The following CYP27B1 variants were observed in gnomAD, a reference collection of about 807,000 sequenced individuals.
CYP27B1 encodes 25-hydroxyvitamin D-1 alpha hydroxylase, mitochondrial.
Under a neutral mutation model 54.8 loss-of-function variants are expected in CYP27B1, and 46 were observed. The observed-to-expected ratio is 0.84, with a 90% CI of 0.66 to 1.07. The LOEUF (loss-of-function observed/expected upper bound fraction) is 1.07, where lower values mean the gene tolerates loss of function less well. Ranked by LOEUF, CYP27B1 falls within the 50% of genes least tolerant of loss-of-function variation. The pLI, the probability that CYP27B1 is intolerant of heterozygous loss-of-function variation, is 0.00. For missense variants in CYP27B1, 674 were observed against 692.2 expected (o/e 0.97, Z 0.30); for synonymous variants, 292 against 297.3 (o/e 0.98, Z 0.18).
At position 57,764,927 on chromosome 12, in the gene CYP27B1, C is replaced by T. The variant is rs755018398; in HGVS notation, c.791-1G>A. ...TCTCGCCGCTCCACGTGCCTCTGAGCTGCGTGGGTAGAAGGCACGTGAATA... is the reference window on the plus strand; with the variant it reads ...TCTCGCCGCTCCACGTGCCTCTGAGTTGCGTGGGTAGAAGGCACGTGAATA... On this transcript the variant is annotated splice_acceptor_variant, in intron 4 of 8. Coordinates refer to ENST00000228606, the MANE Select transcript of CYP27B1 (RefSeq NM_000785.4). LOFTEE classifies it high-confidence loss of function. The T allele has an allele frequency of 1.2e-6, 2 of 1,614,048 alleles. No homozygotes were observed. Among genetic ancestry groups the T allele is most frequent in the Non-Finnish European group, 1.7e-6 (2 of 1,180,046 alleles).
Position 57,763,666 on chromosome 12 carries a change from C to T in CYP27B1, c.1358G>A (p.Arg453His), listed in dbSNP as rs759208930. Reference protein sequence around the residue: ...FASLPFGFGKRSCMGRRLAEL... With the variant: ...FASLPFGFGKHSCMGRRLAEL... Reference sequence around the variant, plus strand: ...TGCCAGGCGTCTCCCCATACAGCTGCGCTTGCCAAAGCCAAAGGGAAGAGA... The same window carrying T: ...TGCCAGGCGTCTCCCCATACAGCTGTGCTTGCCAAAGCCAAAGGGAAGAGA... Residue 453 changes from arginine (R) to histidine (H), a missense_variant, in exon 8 of 9, where the codon CGC (arginine) becomes CAC (histidine). Arg to His is a conservative substitution (Grantham distance 29). Coordinates refer to ENST00000228606, the MANE Select transcript of CYP27B1 (RefSeq NM_000785.4). The T allele has an allele frequency of 1.4e-5, 23 of 1,613,804 alleles. No individual in the cohort carries two copies. Among genetic ancestry groups the T allele is most frequent in the African/African-American group, 1.2e-4 (9 of 74,814 alleles).
Position 57,766,194 on chromosome 12 carries a change from G to A in CYP27B1, c.199C>T (p.Gln67Ter). Residue 67 changes from glutamine to a stop codon, truncating the protein, a stop_gained, in exon 2 of 9, where the codon CAG (glutamine) becomes TAG (stop). Transcript: ENST00000228606. LOFTEE classifies it high-confidence loss of function. Reference sequence around the variant, plus strand: ...ACCGGCCCGAAGTGCGCGGCGCCCTGCACCTGGGGGAGCGGACACAGCGGA... The same window carrying A: ...ACCGGCCCGAAGTGCGCGGCGCCCTACACCTGGGGGAGCGGACACAGCGGA... The part of the protein sequence containing the change: ...GLSRLHELQV[Q>*]GAAHFGPVWL... The A allele has an allele frequency of 3.3e-6, 5 of 1,534,386 alleles. No homozygotes were observed. The highest frequency in any genetic ancestry group is 4.4e-6 in the Non-Finnish European group (5 of 1,139,900).
At chr12:57,766,650 G>A in intron 1 of CYP27B1, 197 bp downstream of exon 1, 3 of 645,210 alleles carry the variant, frequency 4.6e-6, no homozygotes, top group Non-Finnish European at 8.1e-6. Context: ...CTTTCGCAGC[G>A]CCCTCTGCTA....
rs1404884130 is a variant in CYP27B1, at chr12:57,765,105, C to T, written c.696G>A (p.Thr232=). The change falls in exon 4 of 9, where the codon ACG becomes ACA. Residue 232 remains threonine (T), a synonymous_variant. Coordinates refer to ENST00000228606, the MANE Select transcript of CYP27B1 (RefSeq NM_000785.4). This position sits in a 1 kb window ranked among gnomAD's most constrained non-coding sequence, Gnocchi z 5.8. ...AGTGGGGCATCGCCATGGTCAACAG[C>T]GTGGACACAAACACCGAGCCCACAG... ...IRAVGSVFVS[T]LLTMAMPHWL... is the part of the protein sequence containing the mutation. 1 of 1,613,876 alleles carries T rather than the reference C, an allele frequency of 6.2e-7. No homozygotes were observed. The highest frequency in any genetic ancestry group is 1.3e-5 in the African/African-American group (1 of 74,946).
At chr12:57,766,381 G>T in intron 1 of CYP27B1, 184 bp from the exon 2 acceptor site, 1 of 853,072 alleles carries the variant, frequency 1.2e-6, no homozygotes. Flanking sequence ...TCCCTAGAAA[G>T]TTTGAGTGTG....
rs1955356487 is a variant in CYP27B1 at position 57,765,959 on chromosome 12, G to A, written c.386+48C>T. The A allele has an allele frequency of 2.0e-6, 3 of 1,498,826 alleles. No homozygotes were observed. The highest frequency in any genetic ancestry group is 2.4e-5 in the Admixed American group (1 of 42,522). The allele number at this position is 1,498,826 out of a possible 1,614,324, so 92.8% of individuals were successfully genotyped here. A position where few individuals can be genotyped will look rare whatever the true frequency, so the allele number is the denominator to read the frequency against. Reference sequence around the variant, plus strand: ...GATAGTTTCGGGACCCGCAGCAGGAGAGGGCCGCTGCAGGGCGTCTGGGCT... The same window carrying A: ...GATAGTTTCGGGACCCGCAGCAGGAAAGGGCCGCTGCAGGGCGTCTGGGCT... On this transcript the variant is annotated intron_variant, in intron 2 of 8. Coordinates refer to ENST00000228606, the MANE Select transcript of CYP27B1 (RefSeq NM_000785.4). This position sits in a 1 kb window ranked among gnomAD's most constrained non-coding sequence, Gnocchi z 5.8.
chr12:57,766,830 A>G lies in CYP27B1; in HGVS notation c.195+17T>C. On this transcript the variant is annotated intron_variant, in intron 1 of 8. Transcript: ENST00000228606. ...GTTTCCCCAGCACTCTGTCTCGGGA[A>G]AGGCGTCCCTTCCTACCTGCAGCTC... The G allele has an allele frequency of 6.2e-7, 1 of 1,613,940 alleles. No homozygotes were observed. Among genetic ancestry groups the G allele is most frequent in the South Asian group, 1.1e-5 (1 of 91,074 alleles).
At chr12:57,764,705 C>A in intron 5 of CYP27B1, 49 bp downstream of exon 5, 1 of 1,611,408 alleles carries the variant, frequency 6.2e-7, no homozygotes. Context: ...CCGGAGTCTG[C>A]GGAGGCTAAG....
Position 57,764,998 on chromosome 12 carries a change from A to AC in CYP27B1, c.790+12dup. ...TTTACATTCCCCCATTTCCACCTCG[A>AC]CCTGTGCCTTACCAAATGCAAACAT... On this transcript the variant is annotated intron_variant, in intron 4 of 8. Transcript: ENST00000228606. The AC allele has an allele frequency of 6.2e-7, 1 of 1,613,720 alleles. No homozygotes were observed. Among genetic ancestry groups the AC allele is most frequent in the South Asian group, 1.1e-5 (1 of 91,076 alleles).
Position 57,766,107 on chromosome 12 carries a change from C to A in CYP27B1, c.286G>T (p.Glu96Ter), listed in dbSNP as rs1955358409. ...CGGGGTCCCTCCTGTCGCAGCAGCT[C>A]CTCGACGAGTGCAGGGGCAGCCACG... ...VYVAAPALVEELLRQEGPRPE... is the reference protein window; with the variant it reads ...VYVAAPALVE The change falls in exon 2 of 9, where the codon GAG becomes TAG. Residue 96 changes from glutamate to a stop codon, truncating the protein, a stop_gained. Transcript: ENST00000228606. LOFTEE classifies it high-confidence loss of function. 6.5e-7 allele frequency: 1 copy of A among 1,546,606 alleles called. No homozygotes were observed. Among genetic ancestry groups the A allele is most frequent in the Non-Finnish European group, 8.7e-7 (1 of 1,149,766 alleles).
chr12:57,764,879 C>G lies in CYP27B1; in HGVS notation c.838G>C (p.Gly280Arg). 2 of 1,614,190 alleles carry G rather than the reference C, an allele frequency of 1.2e-6. No individual in the cohort carries two copies. The highest frequency in any genetic ancestry group is 1.1e-5 in the South Asian group (1 of 91,090). Reference sequence around the variant, plus strand: ...TCCAGGTCCTTCTCGGGCTGTCCTCCGTTCCTCATGGCTGCCTCTGCCTCT... The same window carrying G: ...TCCAGGTCCTTCTCGGGCTGTCCTCGGTTCCTCATGGCTGCCTCTGCCTCT... ...RREAEAAMRN[G>R]GQPEKDLESG... The change falls in exon 5 of 9, where the codon GGA becomes CGA. Residue 280 changes from glycine (G) to arginine (R), a missense_variant. By Grantham distance (125) the Gly-to-Arg change is moderately radical. Transcript: ENST00000228606.
Position 57,766,086 on chromosome 12 carries a change from G to T in CYP27B1, c.307C>A (p.Pro103Thr). 6.5e-7 allele frequency: 1 copy of T among 1,550,014 alleles called. No homozygotes were observed. Residue 103 changes from proline (P) to threonine (T), a missense_variant, in exon 2 of 9, where the codon CCC (proline) becomes ACC (threonine). By Grantham distance (38) the Pro-to-Thr change is conservative. Transcript: ENST00000228606. ...LVEELLRQEG[P>T]RPERCSFSPW... ...GAGAAGCTGCAGCGCTCGGGCCGGG[G>T]TCCCTCCTGTCGCAGCAGCTCCTCG...
rs373672754 is a variant in CYP27B1 at position 57,764,428 on chromosome 12, A to T, written c.1086T>A (p.Thr362=). Residue 362 remains threonine, a synonymous_variant, in exon 6 of 9, where the codon ACT becomes ACA. Transcript: ENST00000228606. The stretch of plus-strand genomic sequence containing the variant: ...TCAGCAGGGGCAGCTGGGACAGAAC[A>T]GTGGCTGAGGGGTAGGCACTGGAGC... ...SPGSSAYPSA[T]VLSQLPLLKA... 57 of 1,614,110 alleles carry T rather than the reference A, an allele frequency of 3.5e-5. 1 individual carries two copies. Among genetic ancestry groups the T allele is most frequent in the East Asian group, 2.7e-4 (12 of 44,898 alleles).
At chr12:57,764,354 G>T in intron 6 of CYP27B1, 24 bp downstream of exon 6, 2 of 1,613,902 alleles carry the variant, frequency 1.2e-6, no homozygotes, top group East Asian at 2.2e-5. Context: ...ATTTCCTCTT[G>T]TTCCTCCTCT....
rs557294448 is a variant in CYP27B1 at position 57,762,927 on chromosome 12, C to G, written c.*215G>C. 46 of 562,734 alleles carry G rather than the reference C, an allele frequency of 8.2e-5. No homozygotes were observed. The highest frequency in any genetic ancestry group is 6.4e-4 in the South Asian group (35 of 54,416). The allele number at this position is 562,734 out of a possible 1,614,324, so 34.9% of individuals were successfully genotyped here. A position where few individuals can be genotyped will look rare whatever the true frequency, so the allele number is the denominator to read the frequency against. On this transcript the variant is annotated 3_prime_UTR_variant, in exon 9 of 9. Coordinates refer to ENST00000228606, the MANE Select transcript of CYP27B1 (RefSeq NM_000785.4). ...TACATGATCAGAAGGGCCAAGCAAG[C>G]AGAGAGACCATGGTTTTCTCACCTG...
chr12:57,765,923 GC>G lies in CYP27B1; in HGVS notation c.386+83del. 6.9e-7 allele frequency: 1 copy of G among 1,455,846 alleles called. No individual in the cohort carries two copies. Among genetic ancestry groups the G allele is most frequent in the Non-Finnish European group, 9.0e-7 (1 of 1,107,742 alleles). The allele number at this position is 1,455,846 out of a possible 1,614,324, so 90.2% of individuals were successfully genotyped here. On this transcript the variant is annotated intron_variant, in intron 2 of 8. Coordinates refer to ENST00000228606, the MANE Select transcript of CYP27B1 (RefSeq NM_000785.4). This position sits in a 1 kb window ranked among gnomAD's most constrained non-coding sequence, Gnocchi z 5.8. The stretch of plus-strand genomic sequence containing the variant: ...AGTGGGACAGCCGACCTCCCACCAT[GC>G]CCCCAGATTGATAGTTTCGGGACCC...
rs1325382548 is a variant in CYP27B1, at chr12:57,765,849, G to C, written c.386+158C>G. On this transcript the variant is annotated intron_variant, in intron 2 of 8. Coordinates refer to ENST00000228606, the MANE Select transcript of CYP27B1 (RefSeq NM_000785.4). The surrounding 1 kb of genome is among the most constrained non-coding windows in gnomAD (Gnocchi z 5.8). ...GGAGTGAGGTTGGGGCTCAACCTGAGTGTGGGTGAAGCAGACTGGGATGGG... is the reference window on the plus strand; with the variant it reads ...GGAGTGAGGTTGGGGCTCAACCTGACTGTGGGTGAAGCAGACTGGGATGGG... Among the ~76,000 whole-genome samples the C allele has an allele frequency of 3.3e-5, 5 of 152,236 alleles. No homozygotes were observed. The highest frequency in any genetic ancestry group is 6.5e-5 in the Admixed American group (1 of 15,284).
rs536124873 is a variant in CYP27B1 at position 57,765,812 on chromosome 12, G to A, written c.386+195C>T. The A allele has an allele frequency of 3.6e-6, 4 of 1,116,724 alleles. No individual in the cohort carries two copies. The highest frequency in any genetic ancestry group is 2.5e-6 in the Non-Finnish European group (2 of 807,006). 69.2% of individuals were successfully genotyped at this position (1,116,724 alleles called of 1,614,324 possible). A position where few individuals can be genotyped will look rare whatever the true frequency, so the allele number is the denominator to read the frequency against. On this transcript the variant is annotated intron_variant, in intron 2 of 8. Transcript: ENST00000228606. This position sits in a 1 kb window ranked among gnomAD's most constrained non-coding sequence, Gnocchi z 5.8. ...CCAGGATTCGGGCCTCAAAGGATAA[G>A]GAGGTAGGCGGGGAGTGAGGTTGGG...
intron 1 of CYP27B1, 116 bp from the exon 2 acceptor site, chr12:57,766,313 C>T (rs971191035): frequency 7.4e-7 from 1 of 1,354,294 alleles, no homozygotes; most frequent in African/African-American, 1.5e-5. Flanking sequence ...TGCTCTTTCT[C>T]GGGTGCCCAA....
Sources: gnomAD v4.1 joint callset for allele counts (sites outside exome capture counted in the v4.1 genomes callset) on GRCh38, gnomAD v4.1.1 for gene constraint, Gnocchi (gnomAD v3.1) non-coding constraint, MANE v1.5 for transcripts, NCBI Gene and HGNC (gene_info 2026-07-23, HGNC 2026-07-21) for gene names.